NCAN: variants seen among roughly 807,000 people sequenced by gnomAD.
NCAN encodes neurocan core protein.
Under a neutral mutation model 121.8 loss-of-function variants are expected in NCAN, and 47 were observed. The observed-to-expected ratio is 0.39, with a 90% confidence interval of 0.31 to 0.49. The LOEUF (loss-of-function observed/expected upper bound fraction) is 0.49, where lower values mean the gene tolerates loss of function less well. Ranked by LOEUF, NCAN falls within the 20% of genes least tolerant of loss-of-function variation. NCAN has a pLI of 0.92. For missense variants in NCAN, 1,517 were observed against 1,773.4 expected, an observed-to-expected ratio of 0.86 and a Z score of 2.60; for synonymous variants, 633 against 702.0, an observed-to-expected ratio of 0.90 and a Z score of 1.55.
At chr19:19,232,811 A>G (rs918843172) in intron 8 of NCAN, 2 of 152,242 alleles carry the variant, frequency 1.3e-5, no homozygotes, top group Admixed American at 1.3e-4. Flanking sequence ...CTCTAGGGAA[A>G]GATACAGACA....
At chr19:19,224,458 G>A (rs764845349) in intron 5 of NCAN, 25 bp downstream of exon 5, 4 of 1,606,948 alleles carry the variant, frequency 2.5e-6, no homozygotes, top group Admixed American at 1.7e-5. Flanking sequence ...GGCAGGACCC[G>A]GCCCCTCCGC....
intron 13 of NCAN, among the ~76,000 whole-genome samples, chr19:19,247,564 A>T (rs1001669844): frequency 4.0e-5 from 6 of 150,244 alleles, no homozygotes; most frequent in African/African-American, 7.4e-5. Context: ...TTATTTTAAA[A>T]TTTTTTTGTA....
intron 12 of NCAN, among the ~76,000 whole-genome samples, chr19:19,243,162 G>C (rs528092454): frequency 1.3e-5 from 2 of 151,876 alleles, no homozygotes; most frequent in African/African-American, 2.4e-5. Context: ...GGCTGGGGTC[G>C]GGAGAAGGGG....
rs756993468 is a variant in NCAN at position 19,228,508 on chromosome 19, C to T, written c.2888C>T (p.Thr963Ile). The T allele has an allele frequency of 1.2e-6, 2 of 1,613,474 alleles. No individual in the cohort carries two copies. The highest frequency in any genetic ancestry group is 1.1e-5 in the South Asian group (1 of 91,082). The change falls in exon 8 of 15, where the codon ACC becomes ATC. Residue 963 changes from threonine (T) to isoleucine (I), a missense_variant. Transcript: ENST00000252575. ...CCCTCCAGCACCCTGCTGCCTGTCA[C>T]CCTGGGCATAGAGGACTTCGAACTG... ...WDPSSTLLPVTLGIEDFELEV... is the reference protein window; with the variant it reads ...WDPSSTLLPVILGIEDFELEV...
chr19:19,226,696 C>A lies in NCAN; in HGVS notation c.1283C>A (p.Thr428Asn). 1 of 1,613,000 alleles carries A rather than the reference C, an allele frequency of 6.2e-7. No individual in the cohort carries two copies. Among genetic ancestry groups the A allele is most frequent in the Non-Finnish European group, 8.5e-7 (1 of 1,179,282 alleles). The change falls in exon 7 of 15, where the codon ACC becomes AAC. Residue 428 changes from threonine to asparagine, a missense_variant. By Grantham distance (65) the Thr-to-Asn change is moderately conservative. Coordinates refer to ENST00000252575, the MANE Select transcript of NCAN (RefSeq NM_004386.3). Reference protein sequence around the residue: ...ILEEKQESQQTLSPTPGDPML... With the variant: ...ILEEKQESQQNLSPTPGDPML... ...GAGGAGAAGCAGGAGTCTCAACAGA[C>A]CCTCAGCCCTACCCCTGGGGACCCC...
At chr19:19,248,661 A>T in intron 13 of NCAN, 39 bp from the exon 14 acceptor site, 1 of 1,585,154 alleles carries the variant, frequency 6.3e-7, no homozygotes, top group Non-Finnish European at 8.6e-7. Flanking sequence ...TTAGCCCCAG[A>T]TGTGAGCACC....
At chr19:19,234,007 AG>A in intron 9 of NCAN, 102 bp downstream of exon 9, 1 of 738,554 alleles carries the variant, frequency 1.4e-6, no homozygotes, top group Non-Finnish European at 2.3e-6. Context: ...GATCACAAAA[AG>A]CTGGTTTCAG....
chr19:19,238,162 G>T, intron 10 of NCAN, 91 bp from the exon 11 acceptor site: 12 of 1,544,236 alleles, frequency 7.8e-6, no homozygotes, highest in Non-Finnish European at 1.1e-5. Context: ...ACCTTGGATT[G>T]GGCCCTCTCT....
In NCAN at chr19:19,216,939, T is replaced by G; in HGVS notation, c.-7-8T>G. On this transcript the variant is annotated splice_region_variant and splice_polypyrimidine_tract_variant and intron_variant, in intron 1 of 14. Coordinates refer to ENST00000252575, the MANE Select transcript of NCAN (RefSeq NM_004386.3). The stretch of plus-strand genomic sequence containing the variant: ...CTCACCCCTCCCTCCCTCTCCATTT[T>G]GTTCCAGATCCAGGATGGGGGCCCC... 1 of 1,310,938 alleles carries G rather than the reference T, an allele frequency of 7.6e-7. No homozygotes were observed. Among genetic ancestry groups the G allele is most frequent in the Non-Finnish European group, 9.8e-7 (1 of 1,020,240 alleles). 81.2% of individuals were successfully genotyped at this position (1,310,938 alleles called of 1,614,324 possible).
chr19:19,216,493 G>T (rs1286549627), intron 1 of NCAN, among the ~76,000 whole-genome samples: 1 of 152,098 alleles, frequency 6.6e-6, no homozygotes, highest in Non-Finnish European at 1.5e-5. Flanking sequence ...TGTATTTTTA[G>T]TAGAGACGGG....
Position 19,250,361 on chromosome 19 carries a change from A to G in NCAN, c.*450A>G. On this transcript the variant is annotated 3_prime_UTR_variant, in exon 15 of 15. Transcript: ENST00000252575. ...GAAGAAGCCTGGACGTAGGGTCATT[A>G]GCTTTGGGAATAGAAGGCTACACAG... is the stretch of plus-strand genomic sequence containing the variant. 2.8e-6 allele frequency: 1 copy of G among 359,016 alleles called. No individual in the cohort carries two copies. Among genetic ancestry groups the G allele is most frequent in the Non-Finnish European group, 5.4e-6 (1 of 183,640 alleles). 22.2% of individuals were successfully genotyped at this position (359,016 alleles called of 1,614,324 possible).
chr19:19,240,687 T>A lies in NCAN; in HGVS notation c.3492+2T>A. 1 of 1,613,958 alleles carries A rather than the reference T, an allele frequency of 6.2e-7. No homozygotes were observed. The highest frequency in any genetic ancestry group is 8.5e-7 in the Non-Finnish European group (1 of 1,179,970). On this transcript the variant is annotated splice_donor_variant, in intron 12 of 14. Coordinates refer to ENST00000252575, the MANE Select transcript of NCAN (RefSeq NM_004386.3). LOFTEE classifies it high-confidence loss of function. The stretch of plus-strand genomic sequence containing the variant: ...CAGTGGACGGACAACACCGGGCTGG[T>A]GAGTGGCAGGGGCTGCGGGCCTAGG...
intron 13 of NCAN, 77 bp downstream of exon 13, chr19:19,245,534 G>A (rs762991135): frequency 2.6e-6 from 4 of 1,525,112 alleles, no homozygotes; most frequent in Non-Finnish European, 3.6e-6. Flanking sequence ...CTGGAGTGCA[G>A]TGGCATAATC....
chr19:19,240,316 C>T (rs1032072975), intron 11 of NCAN, among the ~76,000 whole-genome samples: 13 of 151,932 alleles, frequency 8.6e-5, no homozygotes, highest in Admixed American at 6.6e-4. Flanking sequence ...CAGCCCACCT[C>T]CAGGCTGGGG....
At position 19,249,872 on chromosome 19, in the gene NCAN, A is replaced by C; in HGVS notation, c.3927A>C (p.Pro1309=). 1 of 1,614,044 alleles carries C rather than the reference A, an allele frequency of 6.2e-7. No individual in the cohort carries two copies. The highest frequency in any genetic ancestry group is 8.5e-7 in the Non-Finnish European group (1 of 1,179,988). The change falls in exon 15 of 15, where the codon CCA becomes CCC. Residue 1309 remains proline (P), a synonymous_variant. Transcript: ENST00000252575. ...AGCGCAGAAAACACAAGAAACACCC[A>C]ACGGAGGACTGGGAGAAGGACGAAG... ...RKERRKHKKH[P]TEDWEKDEGN...
At chr19:19,220,148 T>TTTTG (rs1310701824) in intron 3 of NCAN, among the ~76,000 whole-genome samples, 1 of 151,944 alleles carries the variant, frequency 6.6e-6, no homozygotes, top group Non-Finnish European at 1.5e-5. Context: ...TAGGCAGGAT[T>TTTTG]TTTGTTTGTT....
chr19:19,216,962 C>T lies in NCAN; in HGVS notation c.9C>T (p.Ala3=). Residue 3 remains alanine, a synonymous_variant, in exon 2 of 15, where the codon GCC becomes GCT. Transcript: ENST00000252575. MG[A]PFVWALGLLM... Reference sequence around the variant, plus strand: ...TTTGTTCCAGATCCAGGATGGGGGCCCCGTTTGTCTGGGCCTTGGGCCTTT... The same window carrying T: ...TTTGTTCCAGATCCAGGATGGGGGCTCCGTTTGTCTGGGCCTTGGGCCTTT... The T allele has an allele frequency of 7.6e-7, 1 of 1,311,992 alleles. No individual in the cohort carries two copies. The highest frequency in any genetic ancestry group is 9.8e-7 in the Non-Finnish European group (1 of 1,021,096). 81.3% of individuals were successfully genotyped at this position (1,311,992 alleles called of 1,614,324 possible).
chr19:19,246,004 T>C (rs2060923204), intron 13 of NCAN, among the ~76,000 whole-genome samples: 1 of 151,982 alleles, frequency 6.6e-6, no homozygotes, highest in African/African-American at 2.4e-5. Context: ...GGTGGGATTA[T>C]ATTTTATTTT....
chr19:19,219,064 C>A lies in NCAN; in HGVS notation c.223C>A (p.Arg75=). ...GCCAAGCGCAGCCCGAGATGCCCCTCGGATAAAGTGGACCAAGGTGCGGAC... is the reference window on the plus strand; with the variant it reads ...GCCAAGCGCAGCCCGAGATGCCCCTAGGATAAAGTGGACCAAGGTGCGGAC... ...PRPSAARDAP[R]IKWTKVRTAS... Residue 75 remains arginine, a synonymous_variant, in exon 3 of 15, where the codon CGG becomes AGG. Transcript: ENST00000252575. 6.2e-7 allele frequency: 1 copy of A among 1,612,380 alleles called. No individual in the cohort carries two copies. Among genetic ancestry groups the A allele is most frequent in the Non-Finnish European group, 8.5e-7 (1 of 1,179,110 alleles).
Sources: allele counts gnomAD v4.1 joint callset (sites outside exome capture counted in the v4.1 genomes callset), GRCh38; gene constraint gnomAD v4.1.1; transcripts MANE v1.5; gene names NCBI Gene and HGNC (gene_info 2026-07-23, HGNC 2026-07-21).